PRPS1: variants seen among roughly 807,000 people sequenced by gnomAD.
PRPS1 encodes ribose-phosphate pyrophosphokinase 1.
Under a neutral mutation model 16.9 loss-of-function variants are expected in PRPS1, and 1 was observed. That is an observed-to-expected ratio of 0.06 (90% CI 0.02 to 0.28). The LOEUF (loss-of-function observed/expected upper bound fraction) is 0.28. Among genes scored for constraint, PRPS1 ranks in the 10% least tolerant of loss-of-function variants. The pLI is 1.00. For missense variants in PRPS1, 47 were observed against 254.0 expected, an observed-to-expected ratio of 0.19 and a Z score of 5.54; for synonymous variants, 70 against 90.2, an observed-to-expected ratio of 0.78 and a Z score of 1.27.
chrX:107,646,429 T>C (rs1925694875), intron 5 of PRPS1, among the ~76,000 whole-genome samples: 1 of 111,955 alleles, frequency 8.9e-6, no homozygotes, highest in Non-Finnish European at 1.9e-5. Context: ...AGAATGGTTT[T>C]TTTAAACTTT....
rs61735617 is a variant in PRPS1 at position 107,642,416 on chromosome X, A to G, written c.456A>G (p.Leu152=). 1.5e-3 allele frequency: 1,772 copies of G among 1,209,968 alleles called. 14 individuals are homozygous for G. The African/African-American group carries it at 0.027, about 18-fold the overall frequency. ...ATTTGTATGCAGAGCCGGCTGTCCT[A>G]AAGTGGATAAGGGAGAATATCTCTG... is the stretch of plus-strand genomic sequence containing the variant. The part of the protein sequence containing the change: ...VDNLYAEPAV[L]KWIRENISEW... Residue 152 remains leucine (L), a synonymous_variant, in exon 4 of 7, where the codon CTA becomes CTG. Transcript: ENST00000372435.
rs1556300621 is a variant in PRPS1, at chrX:107,645,286, C to T, written c.640C>T (p.Arg214Trp). 1 of 1,211,720 alleles carries T rather than the reference C, an allele frequency of 8.3e-7. No homozygotes were observed. The highest frequency in any genetic ancestry group is 1.1e-6 in the Non-Finnish European group (1 of 895,471). Reference protein sequence around the residue: ...RMVLVGDVKDRVAILVDDMAD... With the variant: ...RMVLVGDVKDWVAILVDDMAD... The stretch of plus-strand genomic sequence containing the variant: ...GGTGCTTGTGGGAGATGTGAAGGAT[C>T]GGGTGGCCATCCTTGTGGATGACAT... Residue 214 changes from arginine (R) to tryptophan (W), a missense_variant, in exon 5 of 7, where the codon CGG (arginine) becomes TGG (tryptophan). This residue lies in a region of PRPS1 where 26 missense variants were observed against 70.2 expected (regional missense o/e 0.37). Transcript: ENST00000372435.
In PRPS1 at chrX:107,639,516, G is replaced by A. The variant is rs1451043445; in HGVS notation, c.306+38G>A. On this transcript the variant is annotated intron_variant, in intron 2 of 6. Transcript: ENST00000372435. ...TTTTATTTTTTGAGCAGAGGAAGCA[G>A]GAGCACTTGCCCCAAATCACAAATA... 6 of 1,173,560 alleles carry A rather than the reference G, an allele frequency of 5.1e-6. No homozygotes were observed. The Admixed American group carries it at 6.6e-5, about 13-fold the overall frequency.
At chrX:107,628,792 A>G in intron 1 of PRPS1, 42 bp downstream of exon 1, 1 of 1,210,101 alleles carries the variant, frequency 8.3e-7, no homozygotes, top group Non-Finnish European at 1.1e-6. Context: ...TCACCTGCCC[A>G]GGCGGCAGAG....
At chrX:107,644,664 A>C (rs1031310423) in intron 4 of PRPS1, among the ~76,000 whole-genome samples, 1 of 111,782 alleles carries the variant, frequency 8.9e-6, no homozygotes, top group Admixed American at 9.5e-5. Flanking sequence ...CTGTTGAGCT[A>C]TGGAGGCACT....
chrX:107,635,974 C>G (rs190926438), intron 1 of PRPS1, among the ~76,000 whole-genome samples: 6 of 102,102 alleles, frequency 5.9e-5, no homozygotes, highest in Non-Finnish European at 1.2e-4. Flanking sequence ...GCAGGAGAAT[C>G]ACTTGAACCC....
intron 1 of PRPS1, among the ~76,000 whole-genome samples, chrX:107,632,474 C>T (rs1925327771): frequency 8.9e-6 from 1 of 112,156 alleles, no homozygotes; most frequent in Non-Finnish European, 1.9e-5. Context: ...TCCTGACATT[C>T]CATTTCAATT....
At chrX:107,634,290 C>T (rs1049835498) in intron 1 of PRPS1, among the ~76,000 whole-genome samples, 2 of 110,681 alleles carry the variant, frequency 1.8e-5, no homozygotes, top group Non-Finnish European at 3.8e-5. Context: ...TCTCGGTTCA[C>T]TGCAAGCTCT....
intron 1 of PRPS1, 149 bp downstream of exon 1, chrX:107,628,899 C>A: frequency 1.2e-6 from 1 of 823,326 alleles, no homozygotes; most frequent in Non-Finnish European, 1.7e-6. Context: ...GGGCTGTTTC[C>A]GTTATTTTAC....
chrX:107,636,952 A>G (rs192530289), intron 1 of PRPS1, among the ~76,000 whole-genome samples: 44 of 111,554 alleles, frequency 3.9e-4, no homozygotes, highest in African/African-American at 1.4e-3. Context: ...TAATAACTCT[A>G]TTGCCTTTTG....
chrX:107,642,133 T>C (rs1347617682), intron 3 of PRPS1, among the ~76,000 whole-genome samples: 1 of 112,175 alleles, frequency 8.9e-6, no homozygotes. Flanking sequence ...CTCACTTATG[T>C]TCCTATGTTC....
At position 107,634,388 on chromosome X, in the gene PRPS1, A is replaced by AT. The variant is rs1293955825; in HGVS notation, c.123-4891dup. On this transcript the variant is annotated intron_variant, in intron 1 of 6. Coordinates refer to ENST00000372435, the MANE Select transcript of PRPS1 (RefSeq NM_002764.4). ...CACCACCACGCCCAGCTAATGGCTAATTTTTTTTTTTTTTTTGTATTTTTA... is the reference window on the plus strand; with the variant it reads ...CACCACCACGCCCAGCTAATGGCTAATTTTTTTTTTTTTTTTTGTATTTTTA... Among the ~76,000 whole-genome samples, 685 of 93,211 alleles carry AT rather than the reference A, an allele frequency of 7.3e-3. 3 individuals are homozygous for AT. The highest frequency in any genetic ancestry group is 0.033 in the South Asian group (64 of 1,943). The allele number at this position is 93,211 out of a possible 115,157, so 80.9% of individuals were successfully genotyped here. A position where few individuals can be genotyped will look rare whatever the true frequency, so the allele number is the denominator to read the frequency against.
rs1925561331 is a variant in PRPS1 at position 107,640,988 on chromosome X, T to G, written c.393T>G (p.Ala131=). 3 of 1,212,101 alleles carry G rather than the reference T, an allele frequency of 2.5e-6. No individual in the cohort carries two copies. Among genetic ancestry groups the G allele is most frequent in the Non-Finnish European group, 3.3e-6 (3 of 895,639 alleles). The change falls in exon 3 of 7, where the codon GCT becomes GCG. Residue 131 remains alanine (A), a synonymous_variant. Coordinates refer to ENST00000372435, the MANE Select transcript of PRPS1 (RefSeq NM_002764.4). ...ATATTATCACCATGGACCTACATGC[T>G]TCTCAAATTCAGGTATCAGTGGAAG... is the stretch of plus-strand genomic sequence containing the variant. ...ADHIITMDLH[A]SQIQGFFDIP...
chrX:107,639,169 A>G (rs1348183260), intron 1 of PRPS1, 126 bp from the exon 2 acceptor site: 2 of 833,241 alleles, frequency 2.4e-6, no homozygotes, highest in Non-Finnish European at 3.6e-6. Context: ...ATACAGGTGC[A>G]ATTTTTTCTC....
chrX:107,642,544 T>C, intron 4 of PRPS1, 54 bp downstream of exon 4: 2 of 1,204,511 alleles, frequency 1.7e-6, no homozygotes, highest in Non-Finnish European at 2.2e-6. Context: ...TTTCAGATGG[T>C]TGTGTCACAA....
intron 6 of PRPS1, among the ~76,000 whole-genome samples, chrX:107,648,657 C>T (rs1339164629): frequency 9.0e-6 from 1 of 110,870 alleles, no homozygotes; most frequent in Non-Finnish European, 1.9e-5. Flanking sequence ...AAGCTATCCT[C>T]CTGTGTCAGC....
chrX:107,637,219 T>C (rs1925462056), intron 1 of PRPS1, among the ~76,000 whole-genome samples: 1 of 111,598 alleles, frequency 9.0e-6, no homozygotes, highest in Admixed American at 9.6e-5. Flanking sequence ...TGGTAAAATA[T>C]AGCCCTACTT....
chrX:107,634,835 G>GT (rs781010422), intron 1 of PRPS1, among the ~76,000 whole-genome samples: 7,689 of 87,814 alleles, frequency 0.088, 401 homozygotes, highest in Non-Finnish European at 0.13. Context: ...AAAGTTTTTT[G>GT]TTTTTTTTTT....
At chrX:107,633,238 C>T (rs954456586) in intron 1 of PRPS1, among the ~76,000 whole-genome samples, 4 of 108,695 alleles carry the variant, frequency 3.7e-5, no homozygotes, top group East Asian at 2.9e-4. Flanking sequence ...CTGGCTAACA[C>T]GGTGAAACCC....
Sources: gnomAD v4.1 joint callset for allele counts (sites outside exome capture counted in the v4.1 genomes callset) on GRCh38, gnomAD v4.1.1 for gene constraint, gnomAD v4.1.1 regional missense constraint, MANE v1.5 for transcripts, NCBI Gene and HGNC (gene_info 2026-07-23, HGNC 2026-07-21) for gene names.